A1CF: variants seen among roughly 807,000 people sequenced by gnomAD.
A1CF encodes the protein APOBEC-1 stimulating protein.
A neutral mutation model predicts 68.9 loss-of-function variants in A1CF; 48 were observed. The observed-to-expected ratio is 0.70, with a 90% CI of 0.55 to 0.89. The LOEUF is 0.89. A1CF is among the 40% of genes least tolerant of loss of function. The pLI is 0.00. For synonymous variants in A1CF, 272 were observed against 260.4 expected, an observed-to-expected ratio of 1.04 and a Z score of -0.43; for missense variants, 653 against 718.9, an observed-to-expected ratio of 0.91 and a Z score of 1.05.
intron 5 of A1CF, among the ~76,000 whole-genome samples, chr10:50,836,669 CCTAATG>C (rs1160712446): frequency 6.8e-6 from 1 of 147,462 alleles, no homozygotes; most frequent in African/African-American, 2.5e-5. Flanking sequence ...AGGTATATCT[CCTAATG>C]CTATCCCTCC....
chr10:50,876,389 T>C (rs1042390630), intron 1 of A1CF, among the ~76,000 whole-genome samples: 1 of 152,248 alleles, frequency 6.6e-6, no homozygotes, highest in Non-Finnish European at 1.5e-5. Flanking sequence ...ACAGGAATAC[T>C]CATAAGTGCT....
chr10:50,850,190 A>C (rs1840176605), intron 3 of A1CF, among the ~76,000 whole-genome samples: 1 of 152,226 alleles, frequency 6.6e-6, no homozygotes, highest in African/African-American at 2.4e-5. Context: ...AACTATGAGT[A>C]AATTATGAGT....
chr10:50,859,760 CATTTT>C, intron 3 of A1CF, 77 bp downstream of exon 3: 2 of 1,214,372 alleles, frequency 1.6e-6, no homozygotes, highest in Non-Finnish European at 2.4e-6. Context: ...TGACCATTCC[CATTTT>C]GCATCTTAGG....
intron 1 of A1CF, among the ~76,000 whole-genome samples, chr10:50,876,632 C>A (rs977124637): frequency 3.3e-5 from 5 of 152,146 alleles, no homozygotes; most frequent in African/African-American, 1.2e-4. Flanking sequence ...GCGTCTCTAA[C>A]CTGATGGCTT....
rs1180126398 is a variant in A1CF at position 50,850,887 on chromosome 10, TA to T, written c.100-6766del. 9.6e-6 allele frequency: 14 copies of T among 1,461,156 alleles called. No homozygotes were observed. The African/African-American group carries it at 1.8e-4, about 19-fold the overall frequency. The allele number at this position is 1,461,156 out of a possible 1,614,324, so 90.5% of individuals were successfully genotyped here. A position where few individuals can be genotyped will look rare whatever the true frequency, so the allele number is the denominator to read the frequency against. On this transcript the variant is annotated intron_variant, in intron 3 of 12. Transcript: ENST00000373997. ...TTTTATCCTTAAAGAATGTGTAATT[TA>T]TTCAATAGGCCCATCTAACTTTTTT... is the stretch of plus-strand genomic sequence containing the variant.
At chr10:50,869,106 A>G (rs1166545304) in intron 1 of A1CF, among the ~76,000 whole-genome samples, 1 of 152,132 alleles carries the variant, frequency 6.6e-6, no homozygotes, top group African/African-American at 2.4e-5. Context: ...CACCTGTGTA[A>G]TAAATCTGCA....
chr10:50,851,489 A>T (rs1457293782), intron 3 of A1CF, among the ~76,000 whole-genome samples: 1 of 152,238 alleles, frequency 6.6e-6, no homozygotes, highest in Non-Finnish European at 1.5e-5. Flanking sequence ...ATAAGCTTAT[A>T]TCAAAAAGAA....
rs913261119 is a variant in A1CF, at chr10:50,804,768, T to C, written c.*1961A>G. ...ATTTTTCTATTTACTAAAAGTGAAA[T>C]AAAAAGGAAAAGAAATAAAGAGATA... On this transcript the variant is annotated 3_prime_UTR_variant, in exon 13 of 13. Coordinates refer to ENST00000373997, the MANE Select transcript of A1CF (RefSeq NM_014576.4). 1 of 151,948 alleles carries C rather than the reference T, an allele frequency of 6.6e-6. No homozygotes were observed. Among genetic ancestry groups the C allele is most frequent in the African/African-American group, 2.4e-5 (1 of 41,360 alleles). The allele number at this position is 151,948 out of a possible 1,614,324, so 9.4% of individuals were successfully genotyped here.
intron 5 of A1CF, among the ~76,000 whole-genome samples, chr10:50,840,908 T>A (rs1839745145): frequency 6.6e-6 from 1 of 152,158 alleles, no homozygotes; most frequent in African/African-American, 2.4e-5. Flanking sequence ...CTCCCTGAAT[T>A]CTGAATTCTC....
intron 10 of A1CF, 117 bp from the exon 11 acceptor site, chr10:50,811,293 A>G (rs1838100261): frequency 2.1e-6 from 2 of 946,024 alleles, no homozygotes; most frequent in Non-Finnish European, 3.0e-6. Flanking sequence ...AAGACATAAA[A>G]TGCCACATGA....
rs115424528 is a variant in A1CF at position 50,821,966 on chromosome 10, T to G, written c.770-1317A>C. Among the ~76,000 whole-genome samples, 1,291 of 152,250 alleles carry G rather than the reference T, an allele frequency of 8.5e-3. 15 individuals are homozygous for G. Among genetic ancestry groups the G allele is most frequent in the African/African-American group, 0.03 (1,228 of 41,536 alleles). ...AAATACACTCATACAGAAAGTGAACTGAAAAGATAGAGACCAAACTCTTAA... is the reference window on the plus strand; with the variant it reads ...AAATACACTCATACAGAAAGTGAACGGAAAAGATAGAGACCAAACTCTTAA... On this transcript the variant is annotated intron_variant, in intron 7 of 12. Transcript: ENST00000373997.
At chr10:50,833,291 A>T (rs1293771704) in intron 6 of A1CF, among the ~76,000 whole-genome samples, 1 of 152,198 alleles carries the variant, frequency 6.6e-6, no homozygotes, top group Non-Finnish European at 1.5e-5. Context: ...CTGACACCAG[A>T]CCTACTGAAT....
rs1225185323 is a variant in A1CF at position 50,841,967 on chromosome 10, A to G, written c.260T>C (p.Met87Thr). Residue 87 changes from methionine to threonine, a missense_variant, in exon 5 of 13, where the codon ATG becomes ACG. Coordinates refer to ENST00000373997, the MANE Select transcript of A1CF (RefSeq NM_014576.4). ...EKIGKIYEMR[M>T]MMDFNGNNRG... is the part of the protein sequence containing the mutation. ...ATTGTTGCCATTAAAATCCATCATC[A>G]TTCTCATTTCATAAATTTTACCGAT... is the stretch of plus-strand genomic sequence containing the variant. 1 of 1,610,006 alleles carries G rather than the reference A, an allele frequency of 6.2e-7. No individual in the cohort carries two copies. The highest frequency in any genetic ancestry group is 8.5e-7 in the Non-Finnish European group (1 of 1,177,812).
chr10:50,857,117 C>T (rs372690312), intron 3 of A1CF, among the ~76,000 whole-genome samples: 1 of 152,064 alleles, frequency 6.6e-6, no homozygotes, highest in African/African-American at 2.4e-5. Flanking sequence ...TATATGATTA[C>T]TGTTAGTTAC....
chr10:50,813,460 T>A (rs577431551), intron 10 of A1CF, among the ~76,000 whole-genome samples: 68 of 152,272 alleles, frequency 4.5e-4, no homozygotes, highest in African/African-American at 1.4e-3. Context: ...AGAAAAGATG[T>A]CCTAAATGGT....
At chr10:50,866,352 A>G (rs1225732792) in intron 1 of A1CF, among the ~76,000 whole-genome samples, 1 of 152,242 alleles carries the variant, frequency 6.6e-6, no homozygotes, top group East Asian at 1.9e-4. Context: ...ACAAAGATCT[A>G]GAAATTCTTG....
intron 6 of A1CF, among the ~76,000 whole-genome samples, chr10:50,835,441 T>G (rs867259654): frequency 3.3e-5 from 5 of 152,166 alleles, no homozygotes; most frequent in Non-Finnish European, 5.9e-5. Context: ...GTAGAAAATG[T>G]TTTAGAATGA....
At chr10:50,872,588 T>A (rs918911791) in intron 1 of A1CF, among the ~76,000 whole-genome samples, 1 of 152,146 alleles carries the variant, frequency 6.6e-6, no homozygotes, top group African/African-American at 2.4e-5. Context: ...CAGGACACCA[T>A]AATGAACCAA....
intron 12 of A1CF, 35 bp from the exon 13 acceptor site, chr10:50,806,915 A>C (rs745777807): frequency 3.8e-6 from 6 of 1,588,498 alleles, no homozygotes; most frequent in African/African-American, 1.4e-5. Context: ...TGATGAAAGG[A>C]ATTCACATTT....
Sources: allele counts gnomAD v4.1 joint callset (sites outside exome capture counted in the v4.1 genomes callset), GRCh38; gene constraint gnomAD v4.1.1; transcripts MANE v1.5; gene names NCBI Gene and HGNC (gene_info 2026-07-23, HGNC 2026-07-21).